MIB1: variants seen among roughly 807,000 people sequenced by gnomAD.
MIB1 encodes E3 ubiquitin-protein ligase MIB1.
A neutral mutation model predicts 124.5 loss-of-function variants in MIB1; 278 were observed. The observed-to-expected ratio is 2.23, with a 90% CI of 2.02 to 2.47. The LOEUF (loss-of-function observed/expected upper bound fraction) is 2.47. Among genes scored for constraint, MIB1 ranks in the 30% most tolerant of loss-of-function variants. The pLI, the probability that MIB1 is intolerant of heterozygous loss-of-function variation, is 0.00. For missense variants in MIB1, 957 were observed against 1,254.4 expected (o/e 0.76, Z 3.58); for synonymous variants, 446 against 429.4 (o/e 1.04, Z -0.48).
intron 1 of MIB1, among the ~76,000 whole-genome samples, chr18:21,707,746 C>A (rs140359271): frequency 3.3e-5 from 5 of 152,326 alleles, no homozygotes; most frequent in African/African-American, 1.2e-4. Flanking sequence ...ATTCTGGACA[C>A]ACGGGGATTA....
chr18:21,737,933 G>A (rs548841225), upstream of MIB1, among the ~76,000 whole-genome samples: 5 of 152,256 alleles, frequency 3.3e-5, no homozygotes, highest in Non-Finnish European at 5.9e-5. Context: ...AATAGTGGGA[G>A]ACTTTAACAC....
chr18:21,770,216 C>T (rs1331931313), intron 3 of MIB1, among the ~76,000 whole-genome samples: 5 of 151,966 alleles, frequency 3.3e-5, no homozygotes, highest in Non-Finnish European at 5.9e-5. Flanking sequence ...AACAGACAAA[C>T]GAAAAGAACA....
intron 6 of MIB1, among the ~76,000 whole-genome samples, chr18:21,781,617 G>T (rs960201922): frequency 1.3e-5 from 2 of 150,594 alleles, no homozygotes; most frequent in African/African-American, 4.9e-5. Flanking sequence ...GTTTCACCAT[G>T]TTGGCCAGGC....
chr18:21,760,815 A>G (rs1421539301), intron 1 of MIB1, among the ~76,000 whole-genome samples: 1 of 152,234 alleles, frequency 6.6e-6, no homozygotes, highest in Non-Finnish European at 1.5e-5. Flanking sequence ...TTCATCAACC[A>G]AGTCACATTT....
At chr18:21,781,196 C>T (rs1338662836) in intron 6 of MIB1, among the ~76,000 whole-genome samples, 2 of 150,490 alleles carry the variant, frequency 1.3e-5, no homozygotes, top group African/African-American at 2.4e-5. Flanking sequence ...GGGGCTTGAG[C>T]CACCTCGACT....
At chr18:21,764,780 G>A (rs1231369495) in intron 1 of MIB1, among the ~76,000 whole-genome samples, 1 of 151,648 alleles carries the variant, frequency 6.6e-6, no homozygotes, top group East Asian at 1.9e-4. Flanking sequence ...TATTTTATAC[G>A]TAAATACTTC....
At position 21,781,390 on chromosome 18, in the gene MIB1, TA is replaced by T. The variant is rs1568199020; in HGVS notation, c.908+1706del. 7.2e-5 allele frequency among the ~76,000 whole-genome samples: 5 copies of T among 69,350 alleles called. No individual in the cohort carries two copies. The East Asian group carries it at 3.1e-3, about 43-fold the overall frequency. 45.5% of individuals were successfully genotyped at this position (69,350 alleles called of 152,430 possible). The stretch of plus-strand genomic sequence containing the variant: ...TTATATATATATATATATATATATA[TA>T]TATATATATATATATATATATATAA... On this transcript the variant is annotated intron_variant, in intron 6 of 20. Coordinates refer to ENST00000261537, the MANE Select transcript of MIB1 (RefSeq NM_020774.4).
At chr18:21,713,688 C>T (rs932514784) in intron 1 of MIB1, among the ~76,000 whole-genome samples, 4 of 148,284 alleles carry the variant, frequency 2.7e-5, no homozygotes, top group African/African-American at 7.4e-5. Context: ...CTCAAGTAAT[C>T]CTGCCACCTT....
intron 13 of MIB1, 61 bp downstream of exon 13, chr18:21,838,558 T>C: frequency 7.4e-7 from 1 of 1,358,810 alleles, no homozygotes; most frequent in Non-Finnish European, 1.0e-6. Context: ...TTGGGACCAT[T>C]GCCATTCATT....
chr18:21,773,730 T>C lies in MIB1; in HGVS notation c.636+2T>C, dbSNP rs1178403355. ...TACAGAGTTGGCTTTGAGGGCATGG[T>C]AAGTAGTGAAGAGCCATAGCAGGTG... On this transcript the variant is annotated splice_donor_variant, in intron 4 of 20. Transcript: ENST00000261537. LOFTEE classifies it high-confidence loss of function. The C allele has an allele frequency of 6.3e-7, 1 of 1,579,104 alleles. No homozygotes were observed. The highest frequency in any genetic ancestry group is 8.6e-7 in the Non-Finnish European group (1 of 1,161,850).
At chr18:21,780,295 A>G (rs1026777929) in intron 6 of MIB1, among the ~76,000 whole-genome samples, 3 of 152,138 alleles carry the variant, frequency 2.0e-5, no homozygotes, top group Admixed American at 1.3e-4. Context: ...GTTGTTAACT[A>G]TAGTCGCCCA....
At chr18:21,765,024 A>C (rs2041141027) in intron 1 of MIB1, among the ~76,000 whole-genome samples, 6 of 152,214 alleles carry the variant, frequency 3.9e-5, no homozygotes, top group Admixed American at 3.9e-4. Context: ...TAACAATAGA[A>C]TAGTAAAGGA....
At chr18:21,854,805 G>T (rs538964074) in intron 18 of MIB1, 63 of 176,958 alleles carry the variant, frequency 3.6e-4, no homozygotes, top group African/African-American at 1.4e-3. Context: ...AACCTCACAA[G>T]AACTTGAGGT....
intron 20 of MIB1, among the ~76,000 whole-genome samples, chr18:21,859,837 C>T (rs1396651356): frequency 3.0e-5 from 4 of 131,478 alleles, no homozygotes; most frequent in African/African-American, 8.7e-5. Context: ...TGCAGTGAGC[C>T]GAGATCATGC....
intron 7 of MIB1, among the ~76,000 whole-genome samples, chr18:21,793,486 G>A (rs185190249): frequency 3.9e-5 from 6 of 152,184 alleles, no homozygotes; most frequent in African/African-American, 1.2e-4. Context: ...TCTACAGATA[G>A]TGAAAGTATA....
At chr18:21,753,929 C>T in intron 1 of MIB1, among the ~76,000 whole-genome samples, 1 of 152,230 alleles carries the variant, frequency 6.6e-6, no homozygotes, top group Non-Finnish European at 1.5e-5. Context: ...CCACCTGCCT[C>T]AGCCTCCCAA....
chr18:21,778,842 G>T (rs1488219963), intron 5 of MIB1, among the ~76,000 whole-genome samples: 2 of 151,410 alleles, frequency 1.3e-5, no homozygotes, highest in African/African-American at 2.4e-5. Flanking sequence ...ATTTTTTAAT[G>T]AGCTCATCTA....
At chr18:21,817,982 A>T (rs1158727507) in intron 11 of MIB1, among the ~76,000 whole-genome samples, 2 of 152,390 alleles carry the variant, frequency 1.3e-5, no homozygotes, top group African/African-American at 2.4e-5. Flanking sequence ...ATGTCTGTAC[A>T]TGACTGCTAA....
chr18:21,811,809 G>A (rs1456192072), intron 10 of MIB1, among the ~76,000 whole-genome samples: 1 of 152,036 alleles, frequency 6.6e-6, no homozygotes, highest in Non-Finnish European at 1.5e-5. Flanking sequence ...GGTGGTGATG[G>A]TTGCACAGTG....
Sources: allele counts gnomAD v4.1 joint callset (sites outside exome capture counted in the v4.1 genomes callset), GRCh38; gene constraint gnomAD v4.1.1; transcripts MANE v1.5; gene names NCBI Gene and HGNC (gene_info 2026-07-23, HGNC 2026-07-21).